The following KNL1 variants were observed in gnomAD, a reference collection of about 807,000 sequenced individuals.
KNL1 encodes the protein outer kinetochore KNL1 complex subunit KNL1.
In KNL1, 66 loss-of-function variants were observed where a neutral mutation model predicts 201.3. That is an observed-to-expected ratio of 0.33 (90% CI 0.27 to 0.40). The LOEUF (loss-of-function observed/expected upper bound fraction) is 0.40. Ranked by LOEUF, KNL1 falls within the 10% of genes least tolerant of loss-of-function variation. KNL1 has a pLI of 1.00. For missense variants in KNL1, 2,815 were observed against 2,690.5 expected, an observed-to-expected ratio of 1.05 and a Z score of -1.02; for synonymous variants, 895 against 899.2, an observed-to-expected ratio of 1.00 and a Z score of 0.08.
In KNL1 at chr15:40,662,689, G is replaced by C. The variant is rs1893944811; in HGVS notation, c.*501G>C. On this transcript the variant is annotated 3_prime_UTR_variant, in exon 26 of 26. Coordinates refer to ENST00000399668, the MANE Select transcript of KNL1 (RefSeq NM_144508.5). Reference sequence around the variant, plus strand: ...TTAAGAGAAAGTAGGGCTGGGTGCGGTGGCTCACACCTGTAATACCAGCAG... The same window carrying C: ...TTAAGAGAAAGTAGGGCTGGGTGCGCTGGCTCACACCTGTAATACCAGCAG... 5.4e-6 allele frequency: 1 copy of C among 184,794 alleles called. No homozygotes were observed. Among genetic ancestry groups the C allele is most frequent in the Non-Finnish European group, 1.1e-5 (1 of 87,154 alleles). 11.4% of individuals were successfully genotyped at this position (184,794 alleles called of 1,614,324 possible).
intron 13 of KNL1, among the ~76,000 whole-genome samples, chr15:40,633,016 T>A (rs11856802): frequency 0.39 from 59,024 of 151,982 alleles, 11,662 homozygotes; most frequent in Middle Eastern, 0.47. Context: ...GGACCACATA[T>A]ACACAGGGGG....
chr15:40,640,818 A>G lies in KNL1; in HGVS notation c.5683-94A>G. 7.8e-6 allele frequency: 6 copies of G among 771,456 alleles called. No individual in the cohort carries two copies. The South Asian group carries it at 9.2e-5, about 12-fold the overall frequency. The allele number at this position is 771,456 out of a possible 1,614,324, so 47.8% of individuals were successfully genotyped here. A position where few individuals can be genotyped will look rare whatever the true frequency, so the allele number is the denominator to read the frequency against. On this transcript the variant is annotated intron_variant, in intron 13 of 25. Transcript: ENST00000399668. ...GTATTCAAATTTTTCTTTGTAGAAC[A>G]TTTTAAAATAGGCACTCTGAAATTT...
chr15:40,645,378 A>G (rs1036693404), intron 15 of KNL1, among the ~76,000 whole-genome samples: 7 of 152,218 alleles, frequency 4.6e-5, no homozygotes, highest in African/African-American at 1.7e-4. Flanking sequence ...ACTTTAATTG[A>G]TTAAATAGCA....
At chr15:40,635,611 C>T (rs1893035014) in intron 13 of KNL1, among the ~76,000 whole-genome samples, 1 of 152,152 alleles carries the variant, frequency 6.6e-6, no homozygotes, top group Non-Finnish European at 1.5e-5. Context: ...GCCTCAGCTT[C>T]CCAAAGTGCT....
chr15:40,625,106 T>C lies in KNL1; in HGVS notation c.4842T>C (p.Asn1614=), dbSNP rs750956825. The C allele has an allele frequency of 3.1e-6, 5 of 1,613,986 alleles. No individual in the cohort carries two copies. Among genetic ancestry groups the C allele is most frequent in the Non-Finnish European group, 4.2e-6 (5 of 1,179,956 alleles). ...EIHNINIISS[N]AKDSRDEENK... ...ATAATATTAACATAATCTCCAGCAA[T>C]GCTAAAGATAGTAGAGATGAGGAAA... Residue 1614 remains asparagine, a synonymous_variant, in exon 10 of 26, where the codon AAT becomes AAC. Coordinates refer to ENST00000399668, the MANE Select transcript of KNL1 (RefSeq NM_144508.5).
Position 40,627,955 on chromosome 15 carries a change from A to G in KNL1, c.5377-115A>G, listed in dbSNP as rs896358401. The G allele has an allele frequency of 4.3e-6, 3 of 695,426 alleles. No homozygotes were observed. The African/African-American group carries it at 5.5e-5, about 13-fold the overall frequency. 43.1% of individuals were successfully genotyped at this position (695,426 alleles called of 1,614,324 possible). A position where few individuals can be genotyped will look rare whatever the true frequency, so the allele number is the denominator to read the frequency against. ...ACTTATTCTAATTCTTCACTAAGATATTTCATATGAATTATAGATTAATTG... is the reference window on the plus strand; with the variant it reads ...ACTTATTCTAATTCTTCACTAAGATGTTTCATATGAATTATAGATTAATTG... On this transcript the variant is annotated intron_variant, in intron 10 of 25. Transcript: ENST00000399668.
In KNL1 at chr15:40,628,072, T is replaced by C. The variant is rs775276811; in HGVS notation, c.5379T>C (p.Ile1793=). The C allele has an allele frequency of 1.3e-6, 2 of 1,584,564 alleles. No individual in the cohort carries two copies. The highest frequency in any genetic ancestry group is 1.7e-6 in the Non-Finnish European group (2 of 1,168,698). The change falls in exon 11 of 26, where the codon ATT becomes ATC. Residue 1793 remains isoleucine, a splice_region_variant and synonymous_variant. Transcript: ENST00000399668. ...TATTCCTTAATTGACAATTTCAGAT[T>C]TTTGATCACCATACTGAAGAGGATA... The part of the protein sequence containing the change: ...KFSDTTQDRE[I]FDHHTEEDID...
intron 13 of KNL1, among the ~76,000 whole-genome samples, chr15:40,633,096 A>T (rs1331846756): frequency 6.6e-6 from 1 of 152,048 alleles, no homozygotes; most frequent in Non-Finnish European, 1.5e-5. Flanking sequence ...TGGGAGGCCA[A>T]GGCAGGTGGG....
intron 7 of KNL1, among the ~76,000 whole-genome samples, chr15:40,613,974 A>G (rs1892257762): frequency 7.0e-6 from 1 of 141,906 alleles, no homozygotes; most frequent in Non-Finnish European, 1.5e-5. Flanking sequence ...ATTTTTTTGT[A>G]TTTTTAGTAG....
chr15:40,621,424 G>T lies in KNL1; in HGVS notation c.1160G>T (p.Arg387Ile). 6.2e-7 allele frequency: 1 copy of T among 1,613,572 alleles called. No individual in the cohort carries two copies. Among genetic ancestry groups the T allele is most frequent in the South Asian group, 1.1e-5 (1 of 91,042 alleles). Residue 387 changes from arginine (R) to isoleucine (I), a missense_variant, in exon 10 of 26, where the codon AGA becomes ATA. Physicochemically the swap from Arg to Ile is moderately conservative, Grantham distance 97. This residue lies in a region of KNL1 where 2,464 missense variants were observed against 2,291.7 expected (regional missense o/e 1.08). Coordinates refer to ENST00000399668, the MANE Select transcript of KNL1 (RefSeq NM_144508.5). The stretch of plus-strand genomic sequence containing the variant: ...TCTGCAGACAAAATACATATTACCA[G>T]AAGTCATATTATGGGGGCAGAAACT... ...INSADKIHITRSHIMGAETHI... is the reference protein window; with the variant it reads ...INSADKIHITISHIMGAETHI...
At chr15:40,596,981 C>T (rs187252572) in intron 1 of KNL1, among the ~76,000 whole-genome samples, 2 of 90,612 alleles carry the variant, frequency 2.2e-5, no homozygotes, top group African/African-American at 9.0e-5. Context: ...GCCTGGGCAA[C>T]AAGAGTGAAA....
At chr15:40,632,139 T>A (rs1166838592) in intron 13 of KNL1, among the ~76,000 whole-genome samples, 1 of 151,778 alleles carries the variant, frequency 6.6e-6, no homozygotes, top group Non-Finnish European at 1.5e-5. Context: ...TAATTCTAGC[T>A]ATGTGGGAGG....
At chr15:40,631,527 C>G (rs1892911278) in intron 13 of KNL1, among the ~76,000 whole-genome samples, 1 of 152,054 alleles carries the variant, frequency 6.6e-6, no homozygotes, top group Non-Finnish European at 1.5e-5. Context: ...GTTGCCCAGA[C>G]TGGTCTTGAG....
rs552423201 is a variant in KNL1 at position 40,650,443 on chromosome 15, T to G, written c.6172+65T>G. ...AGCCCTTCTGTTCTGAGTTTGTTTA[T>G]ATACTTTGGTGAGATTAAGTCAGAA... On this transcript the variant is annotated intron_variant, in intron 18 of 25. Transcript: ENST00000399668. 4 of 1,568,952 alleles carry G rather than the reference T, an allele frequency of 2.5e-6. No homozygotes were observed. The South Asian group carries it at 4.6e-5, about 18-fold the overall frequency.
At chr15:40,651,722 G>C (rs1014540978) in intron 20 of KNL1, 150 bp downstream of exon 20, 8 of 598,284 alleles carry the variant, frequency 1.3e-5, no homozygotes, top group Non-Finnish European at 2.1e-5. Flanking sequence ...TCAACAGTAA[G>C]CTGGAAATAG....
intron 7 of KNL1, among the ~76,000 whole-genome samples, chr15:40,612,114 G>A (rs753122428): frequency 2.0e-5 from 3 of 152,054 alleles, no homozygotes; most frequent in African/African-American, 4.8e-5. Context: ...TCAGGAGATC[G>A]AGACCATCCT....
At chr15:40,652,494 G>A (rs1893598158) in intron 21 of KNL1, among the ~76,000 whole-genome samples, 1 of 147,362 alleles carries the variant, frequency 6.8e-6, no homozygotes, top group Admixed American at 6.8e-5. Flanking sequence ...TAAGAGTGAG[G>A]CCCTGCAGCT....
intron 3 of KNL1, among the ~76,000 whole-genome samples, chr15:40,605,572 C>T: frequency 6.6e-6 from 1 of 152,248 alleles, no homozygotes; most frequent in East Asian, 1.9e-4. Flanking sequence ...GTGTTTCAGC[C>T]ACCTGAGTAG....
chr15:40,654,596 A>C, intron 21 of KNL1, among the ~76,000 whole-genome samples: 1 of 149,342 alleles, frequency 6.7e-6, no homozygotes, highest in Admixed American at 6.6e-5. Flanking sequence ...AAGGCCAGGC[A>C]CGGTGGCTCA....
Sources: gnomAD v4.1 joint callset for allele counts (sites outside exome capture counted in the v4.1 genomes callset) on GRCh38, gnomAD v4.1.1 for gene constraint, gnomAD v4.1.1 regional missense constraint, MANE v1.5 for transcripts, NCBI Gene and HGNC (gene_info 2026-07-23, HGNC 2026-07-21) for gene names.